Variants in RIMS1 observed in about 807,000 individuals in gnomAD.
The protein encoded by RIMS1 is regulating synaptic membrane exocytosis 1.
RIMS1 carries 83 observed loss-of-function variants against 214.1 expected under a neutral mutation model. The observed-to-expected ratio is 0.39, with a 90% CI of 0.32 to 0.47. The LOEUF is 0.47. Among genes scored for constraint, RIMS1 ranks in the 20% least tolerant of loss-of-function variants. RIMS1 has a pLI of 0.99. For synonymous variants in RIMS1, 793 were observed against 786.8 expected (o/e 1.01, Z -0.13); for missense variants, 2,050 against 2,161.8 (o/e 0.95, Z 1.03).
intron 2 of RIMS1, among the ~76,000 whole-genome samples, chr6:72,026,460 C>A (rs1033922833): frequency 1.4e-5 from 2 of 139,774 alleles, no homozygotes; most frequent in Non-Finnish European, 3.1e-5. Context: ...GCACCGCCCC[C>A]CCCCCCAACT....
At chr6:72,067,175 T>C (rs1829521586) in intron 2 of RIMS1, among the ~76,000 whole-genome samples, 1 of 152,168 alleles carries the variant, frequency 6.6e-6, no homozygotes, top group South Asian at 2.1e-4. Context: ...AGATCATGTC[T>C]CTCCCCTGAT....
At chr6:71,968,136 T>G (rs1007038217) in intron 1 of RIMS1, among the ~76,000 whole-genome samples, 18 of 152,246 alleles carry the variant, frequency 1.2e-4, no homozygotes, top group Non-Finnish European at 2.6e-4. Flanking sequence ...GCCTTCTCTA[T>G]TCAAAGCCAT....
intron 28 of RIMS1, among the ~76,000 whole-genome samples, chr6:72,329,785 T>A (rs1293349994): frequency 3.3e-5 from 5 of 151,630 alleles, no homozygotes; most frequent in Non-Finnish European, 7.4e-5. Context: ...CTCTGAGCAG[T>A]TGGGTAGATG....
intron 2 of RIMS1, among the ~76,000 whole-genome samples, chr6:72,044,481 T>C (rs1822383637): frequency 1.3e-5 from 2 of 152,006 alleles, no homozygotes; most frequent in South Asian, 4.1e-4. Context: ...ATAAAGCACA[T>C]TTTTAATAAA....
At chr6:72,330,475 T>G (rs1250382421) in intron 28 of RIMS1, among the ~76,000 whole-genome samples, 1 of 151,716 alleles carries the variant, frequency 6.6e-6, no homozygotes, top group African/African-American at 2.4e-5. Context: ...TTCCTACTCA[T>G]AAATCTATTC....
chr6:72,263,227 A>G, intron 19 of RIMS1: 1 of 984,854 alleles, frequency 1.0e-6, no homozygotes, highest in Non-Finnish European at 1.2e-6. Flanking sequence ...AGAAATCTGT[A>G]TGTTTAGTTT....
intron 2 of RIMS1, among the ~76,000 whole-genome samples, chr6:71,979,956 C>G (rs1259701011): frequency 3.3e-5 from 5 of 152,070 alleles, no homozygotes; most frequent in Non-Finnish European, 7.4e-5. Context: ...AATTGGACCT[C>G]TCTTTCAAAA....
rs1268886436 is a variant in RIMS1, at chr6:71,902,769, CAT to C, written c.164+15583_164+15584del. On this transcript the variant is annotated intron_variant, in intron 1 of 33. Coordinates refer to ENST00000521978, the MANE Select transcript of RIMS1 (RefSeq NM_014989.7). ...TTCAGCTCCCACTTATAAGTGAAAA[CAT>C]GTGATATTCGGTTTTCTGTTCCTGT... 8.5e-5 allele frequency among the ~76,000 whole-genome samples: 13 copies of C among 152,190 alleles called. No homozygotes were observed. In the South Asian group the frequency reaches 1.9e-3, roughly 22 times the overall value.
chr6:72,054,020 C>T (rs757675442), intron 2 of RIMS1, among the ~76,000 whole-genome samples: 5 of 151,962 alleles, frequency 3.3e-5, no homozygotes, highest in Admixed American at 6.6e-5. Context: ...AACCTTTCAT[C>T]GAGGTTTTAA....
chr6:72,278,749 A>G (rs1271189370), intron 23 of RIMS1, among the ~76,000 whole-genome samples: 1 of 152,058 alleles, frequency 6.6e-6, no homozygotes, highest in Non-Finnish European at 1.5e-5. Flanking sequence ...TATCAATAAT[A>G]TACAGGAAGG....
intron 4 of RIMS1, among the ~76,000 whole-genome samples, chr6:72,177,014 A>G (rs1217781774): frequency 6.6e-6 from 1 of 152,232 alleles, no homozygotes; most frequent in Non-Finnish European, 1.5e-5. Flanking sequence ...AAAAATGTGA[A>G]GCAATCAAAA....
chr6:72,246,081 AT>A (rs1360086957), intron 11 of RIMS1, among the ~76,000 whole-genome samples: 4 of 152,090 alleles, frequency 2.6e-5, no homozygotes, highest in African/African-American at 9.7e-5. Flanking sequence ...TAAAAAAAAA[AT>A]CTTTACTGGG....
intron 2 of RIMS1, 94 bp from the exon 3 acceptor site, chr6:72,096,855 T>C: frequency 2.8e-6 from 3 of 1,086,232 alleles, no homozygotes; most frequent in Non-Finnish European, 4.1e-6. Flanking sequence ...AGAGCTATGC[T>C]TCCTTTTTGT....
chr6:72,398,083 G>C (rs867599868), intron 31 of RIMS1, among the ~76,000 whole-genome samples, 166 bp from the exon 32 acceptor site: 1 of 152,072 alleles, frequency 6.6e-6, no homozygotes, highest in Non-Finnish European at 1.5e-5. Context: ...ATTTGATTTG[G>C]AAACTGAGAA....
At chr6:72,036,804 C>A (rs6901323) in intron 2 of RIMS1, among the ~76,000 whole-genome samples, 1,976 of 152,168 alleles carry the variant, frequency 0.013, 38 homozygotes, top group African/African-American at 0.045. Flanking sequence ...AAGTGCAGAG[C>A]TGTTAAAGTT....
rs558607225 is a variant in RIMS1 at position 72,277,676 on chromosome 6, G to A, written c.3482+3244G>A. 2.0e-5 allele frequency among the ~76,000 whole-genome samples: 3 copies of A among 151,972 alleles called. No individual in the cohort carries two copies. The East Asian group carries it at 5.8e-4, about 29-fold the overall frequency. ...ATTTGGAATCCCAGGGGATGTTTTC[G>A]ATTTTAAAATTGTAGTGAAAATTTC... On this transcript the variant is annotated intron_variant, in intron 23 of 33. Transcript: ENST00000521978.
At chr6:71,971,253 G>A (rs1795778667) in intron 2 of RIMS1, among the ~76,000 whole-genome samples, 1 of 152,158 alleles carries the variant, frequency 6.6e-6, no homozygotes, top group African/African-American at 2.4e-5. Context: ...TTTGAGAGAA[G>A]TAGGGAAAAT....
intron 29 of RIMS1, among the ~76,000 whole-genome samples, chr6:72,336,621 G>A (rs1186526333): frequency 1.3e-5 from 2 of 151,716 alleles, no homozygotes; most frequent in South Asian, 4.1e-4. Flanking sequence ...TATAATGATG[G>A]GTTGAATGGG....
chr6:72,373,976 G>A (rs193256350), intron 29 of RIMS1, among the ~76,000 whole-genome samples: 6 of 151,994 alleles, frequency 3.9e-5, no homozygotes, highest in East Asian at 1.9e-4. Flanking sequence ...GTGCAGTGGC[G>A]GGATCTTGGC....
Sources: gnomAD v4.1 joint callset for allele counts (sites outside exome capture counted in the v4.1 genomes callset) on GRCh38, gnomAD v4.1.1 for gene constraint, MANE v1.5 for transcripts, NCBI Gene and HGNC (gene_info 2026-07-23, HGNC 2026-07-21) for gene names.